The following TMPRSS3 variants were observed in gnomAD, a reference collection of about 807,000 sequenced individuals.
TMPRSS3 encodes transmembrane protease serine 3.
In TMPRSS3, 55 loss-of-function variants were observed where a neutral mutation model predicts 59.6. The ratio of observed to expected loss-of-function variants is 0.92; its 90% CI spans 0.74 to 1.16. The LOEUF is 1.16. Ranked by LOEUF, TMPRSS3 falls within the 50% of genes most tolerant of loss-of-function variation. TMPRSS3 has a pLI of 0.00. For synonymous variants in TMPRSS3, 257 were observed against 237.7 expected (o/e 1.08, Z -0.75); for missense variants, 596 against 579.4 (o/e 1.03, Z -0.29).
intron 3 of TMPRSS3, 134 bp from the exon 4 acceptor site, chr21:42,389,179 G>C (rs1338456848): frequency 6.6e-7 from 1 of 1,522,886 alleles, no homozygotes; most frequent in African/African-American, 1.4e-5. Flanking sequence ...GTCCCTGTCA[G>C]CAGCCTGTTT....
chr21:42,380,151 GCA>G lies in TMPRSS3; in HGVS notation c.1012_1013del (p.Cys338LeufsTer13). 1 of 1,614,176 alleles carries G rather than the reference GCA, an allele frequency of 6.2e-7. No individual in the cohort carries two copies. Among genetic ancestry groups the G allele is most frequent in the Non-Finnish European group, 8.5e-7 (1 of 1,180,014 alleles). The stretch of plus-strand genomic sequence containing the variant: ...CTGTGGCCCCCCATCCTGACGTCCA[GCA>G]CACTTTTCCATCGGGGAAGTTCTCT... ...SEENFPDGKVCWTSGWGATED... is the reference protein window; with the variant it reads ...SEENFPDGKVXWTSGWGATED... On this transcript the variant is annotated frameshift_variant, in exon 10 of 13. Transcript: ENST00000644384. LOFTEE classifies it high-confidence loss of function.
chr21:42,383,268 T>C (rs1255060256), intron 7 of TMPRSS3, 70 bp from the exon 8 acceptor site: 11 of 1,531,692 alleles, frequency 7.2e-6, no homozygotes, highest in Non-Finnish European at 9.9e-6. Context: ...GTCACCACCA[T>C]GCACCTGCTC....
In TMPRSS3 at chr21:42,371,950, T is replaced by C. The variant is rs2052342371; in HGVS notation, c.*812A>G. 2.2e-6 allele frequency: 1 copy of C among 454,504 alleles called. No individual in the cohort carries two copies. The highest frequency in any genetic ancestry group is 2.3e-5 in the Admixed American group (1 of 42,558). The allele number at this position is 454,504 out of a possible 1,614,324, so 28.2% of individuals were successfully genotyped here. On this transcript the variant is annotated 3_prime_UTR_variant, in exon 13 of 13. Transcript: ENST00000644384. ...CAATAATACGTCAAGCACCAAATGCTACAAAGAAATCATGAAAATAGGCCT... is the reference window on the plus strand; with the variant it reads ...CAATAATACGTCAAGCACCAAATGCCACAAAGAAATCATGAAAATAGGCCT...
In TMPRSS3 at chr21:42,372,255, G is replaced by C. The variant is rs193295918; in HGVS notation, c.*507C>G. 17 of 445,822 alleles carry C rather than the reference G, an allele frequency of 3.8e-5. No homozygotes were observed. The highest frequency in any genetic ancestry group is 7.7e-5 in the Non-Finnish European group (17 of 221,566). 27.6% of individuals were successfully genotyped at this position (445,822 alleles called of 1,614,324 possible). On this transcript the variant is annotated 3_prime_UTR_variant, in exon 13 of 13. Transcript: ENST00000644384. ...CAAGTTGCTGCTTCTTTTGTTCTTA[G>C]TGAAGATCAGAAAGGAGCGTGAGGC...
chr21:42,389,422 G>A (rs1452166581), intron 3 of TMPRSS3, among the ~76,000 whole-genome samples: 2 of 152,260 alleles, frequency 1.3e-5, no homozygotes, highest in Non-Finnish European at 2.9e-5. Context: ...AAGGCAGAAA[G>A]TGAACGAAGT....
At position 42,372,497 on chromosome 21, in the gene TMPRSS3, C is replaced by A. The variant is rs1466772423; in HGVS notation, c.*265G>T. Reference sequence around the variant, plus strand: ...ATCGCTTGAACCAGGGAAGCGGAGGCTGCAGTGAGCAGGGATTTCGCCACT... The same window carrying A: ...ATCGCTTGAACCAGGGAAGCGGAGGATGCAGTGAGCAGGGATTTCGCCACT... On this transcript the variant is annotated 3_prime_UTR_variant, in exon 13 of 13. Transcript: ENST00000644384. 1 of 626,394 alleles carries A rather than the reference C, an allele frequency of 1.6e-6. No homozygotes were observed. Among genetic ancestry groups the A allele is most frequent in the Non-Finnish European group, 3.0e-6 (1 of 338,762 alleles). The allele number at this position is 626,394 out of a possible 1,614,324, so 38.8% of individuals were successfully genotyped here.
Position 42,376,580 on chromosome 21 carries a change from G to C in TMPRSS3, c.1152C>G (p.Leu384=), listed in dbSNP as rs780568459. The change falls in exon 11 of 13, where the codon CTC becomes CTG. Residue 384 remains leucine (L), a synonymous_variant. Coordinates refer to ENST00000644384, the MANE Select transcript of TMPRSS3 (RefSeq NM_001256317.3). ...VYGGIISPSM[L]CAGYLTGGVD... ...CGCCACCCGTCAGGTAGCCCGCGCA[G>C]AGCATGGAGGGGGAGATGATGCCAC... 8.7e-6 allele frequency: 14 copies of C among 1,613,914 alleles called. No homozygotes were observed. Among genetic ancestry groups the C allele is most frequent in the Non-Finnish European group, 1.1e-5 (13 of 1,180,028 alleles).
chr21:42,376,963 G>A (rs979225757), intron 10 of TMPRSS3, among the ~76,000 whole-genome samples: 1 of 152,188 alleles, frequency 6.6e-6, no homozygotes, highest in African/African-American at 2.4e-5. Flanking sequence ...CCAAAGAGGA[G>A]GAGGAGTAGG....
At position 42,388,907 on chromosome 21, in the gene TMPRSS3, A is replaced by C. The variant is rs764501987; in HGVS notation, c.322+22T>G. On this transcript the variant is annotated intron_variant, in intron 4 of 12. Transcript: ENST00000644384. This position sits in a 1 kb window ranked among gnomAD's most constrained non-coding sequence, Gnocchi z 5.1. ...TTCTGCTGCTTCCTTCTGTTTCCCC[A>C]GGGGAAGAGCCATGACCTTACCACA... 2.3e-5 allele frequency: 37 copies of C among 1,601,642 alleles called. No homozygotes were observed. Among genetic ancestry groups the C allele is most frequent in the South Asian group, 1.1e-5 (1 of 90,792 alleles).
chr21:42,372,643 C>A lies in TMPRSS3; in HGVS notation c.*119G>T. 1 of 1,027,926 alleles carries A rather than the reference C, an allele frequency of 9.7e-7. No homozygotes were observed. Among genetic ancestry groups the A allele is most frequent in the Non-Finnish European group, 1.5e-6 (1 of 645,258 alleles). The allele number at this position is 1,027,926 out of a possible 1,614,324, so 63.7% of individuals were successfully genotyped here. A position where few individuals can be genotyped will look rare whatever the true frequency, so the allele number is the denominator to read the frequency against. On this transcript the variant is annotated 3_prime_UTR_variant, in exon 13 of 13. Transcript: ENST00000644384. ...CCTCTTTCGGGCCTGCTACTGGTGC[C>A]GGAACTCAGAGCTCCAAGGGTGTCT...
intron 5 of TMPRSS3, among the ~76,000 whole-genome samples, chr21:42,386,374 G>A (rs1344839249): frequency 1.3e-5 from 2 of 152,336 alleles, no homozygotes; most frequent in East Asian, 1.9e-4. Context: ...TAATCAAGGC[G>A]GCGGGCACGA....
chr21:42,387,431 T>C (rs1045263952), intron 5 of TMPRSS3, among the ~76,000 whole-genome samples: 1 of 151,250 alleles, frequency 6.6e-6, no homozygotes, highest in African/African-American at 2.4e-5. Flanking sequence ...GAGTAATACA[T>C]CATTCCTGAA....
intron 2 of TMPRSS3, 192 bp from the exon 3 acceptor site, chr21:42,390,229 C>G: frequency 1.6e-6 from 1 of 615,270 alleles, no homozygotes; most frequent in Admixed American, 2.4e-5. Flanking sequence ...CCTGCTCCAC[C>G]TCTGACCCGG....
chr21:42,395,332 A>C lies in TMPRSS3; in HGVS notation c.86T>G (p.Val29Gly). 6.2e-7 allele frequency: 1 copy of C among 1,613,872 alleles called. No homozygotes were observed. Among genetic ancestry groups the C allele is most frequent in the African/African-American group, 1.3e-5 (1 of 75,046 alleles). Residue 29 changes from valine (V) to glycine (G), a missense_variant, in exon 2 of 13, where the codon GTT becomes GGT. Coordinates refer to ENST00000644384, the MANE Select transcript of TMPRSS3 (RefSeq NM_001256317.3). ...CACCTGGGTCCACTTACCTGGTGCAACAGGACTTATTTTCAAATCATCAAG... is the reference window on the plus strand; with the variant it reads ...CACCTGGGTCCACTTACCTGGTGCACCAGGACTTATTTTCAAATCATCAAG... ...FGLDDLKISP[V>G]APDADAVAAQ... is the part of the protein sequence containing the mutation.
intron 8 of TMPRSS3, 193 bp downstream of exon 8, chr21:42,382,840 A>G: frequency 1.5e-6 from 1 of 682,642 alleles, no homozygotes; most frequent in Non-Finnish European, 2.6e-6. Flanking sequence ...AAACAAGCTC[A>G]GGGTCACAAG....
chr21:42,387,173 G>T (rs1324291946), intron 5 of TMPRSS3, among the ~76,000 whole-genome samples: 1 of 152,174 alleles, frequency 6.6e-6, no homozygotes, highest in African/African-American at 2.4e-5. Context: ...GAAGGAGAGG[G>T]ATTGAGCTGA....
rs747020355 is a variant in TMPRSS3, at chr21:42,380,215, G to T, written c.953-3C>A. ...CAGGCACACAGGCTGGATCATTTCT[G>T]CTTGAAGGGAAACAATAGTTCACAA... On this transcript the variant is annotated splice_region_variant and splice_polypyrimidine_tract_variant and intron_variant, in intron 9 of 12. Transcript: ENST00000644384. The T allele has an allele frequency of 1.2e-6, 2 of 1,611,550 alleles. No individual in the cohort carries two copies. The highest frequency in any genetic ancestry group is 2.7e-5 in the African/African-American group (2 of 74,848).
At chr21:42,379,261 C>T (rs996777067) in intron 10 of TMPRSS3, among the ~76,000 whole-genome samples, 2 of 151,962 alleles carry the variant, frequency 1.3e-5, no homozygotes, top group African/African-American at 4.8e-5. Flanking sequence ...CTCCTGGGCT[C>T]AAGCAATCCT....
intron 2 of TMPRSS3, among the ~76,000 whole-genome samples, chr21:42,394,481 C>T (rs1190352488): frequency 2.6e-5 from 4 of 152,108 alleles, no homozygotes; most frequent in Admixed American, 2.6e-4. Context: ...CAGGTGATTG[C>T]AAGATTTTTT....
Sources: gnomAD v4.1 joint callset for allele counts (sites outside exome capture counted in the v4.1 genomes callset) on GRCh38, gnomAD v4.1.1 for gene constraint, Gnocchi (gnomAD v3.1) non-coding constraint, MANE v1.5 for transcripts, NCBI Gene and HGNC (gene_info 2026-07-23, HGNC 2026-07-21) for gene names.